TFF1: variants seen among roughly 807,000 people sequenced by gnomAD.
TFF1 encodes trefoil factor 1.
TFF1 carries 8 observed loss-of-function variants against 7.7 expected under a neutral mutation model. The ratio of observed to expected loss-of-function variants is 1.04; its 90% confidence interval spans 0.61 to 1.87. The LOEUF (loss-of-function observed/expected upper bound fraction) is 1.87. Among genes scored for constraint, TFF1 ranks in the 40% most tolerant of loss-of-function variants. The pLI is 0.00. For missense variants in TFF1, 120 were observed against 113.4 expected (o/e 1.06, Z -0.26); for synonymous variants, 47 against 44.8 (o/e 1.05, Z -0.19).
Position 42,362,320 on chromosome 21 carries a change from G to A in TFF1, c.*159C>T. ...CTTTTAATTTTTAGGCCAATTTTGA[G>A]TAGTCAAAGTCAGAGCAGTCAATCT... On this transcript the variant is annotated 3_prime_UTR_variant, in exon 3 of 3. Coordinates refer to ENST00000291527, the MANE Select transcript of TFF1 (RefSeq NM_003225.3). The A allele has an allele frequency of 1.4e-6, 1 of 717,608 alleles. No individual in the cohort carries two copies. Among genetic ancestry groups the A allele is most frequent in the South Asian group, 1.8e-5 (1 of 54,124 alleles). 44.5% of individuals were successfully genotyped at this position (717,608 alleles called of 1,614,324 possible).
At chr21:42,362,672 C>A (rs1201447336) in intron 2 of TFF1, among the ~76,000 whole-genome samples, 177 bp from the exon 3 acceptor site, 2 of 152,202 alleles carry the variant, frequency 1.3e-5, no homozygotes, top group African/African-American at 4.8e-5. Flanking sequence ...CTCTGGGAGG[C>A]TGAGGCGGGC....
Position 42,362,406 on chromosome 21 carries a change from C to T in TFF1, c.*73G>A. 1 of 1,533,810 alleles carries T rather than the reference C, an allele frequency of 6.5e-7. No homozygotes were observed. Among genetic ancestry groups the T allele is most frequent in the Non-Finnish European group, 8.8e-7 (1 of 1,136,310 alleles). On this transcript the variant is annotated 3_prime_UTR_variant, in exon 3 of 3. Coordinates refer to ENST00000291527, the MANE Select transcript of TFF1 (RefSeq NM_003225.3). The stretch of plus-strand genomic sequence containing the variant: ...CTGAGGTGTCCGGTGGAGGTGGCAG[C>T]CGAGCTCTGGGACTAATCACCGTGC...
intron 1 of TFF1, among the ~76,000 whole-genome samples, chr21:42,363,839 C>T (rs1490982638): frequency 6.6e-6 from 1 of 152,176 alleles, no homozygotes; most frequent in Non-Finnish European, 1.5e-5. Context: ...TGGGCCCAGG[C>T]TCATGCCTGT....
At chr21:42,366,370 G>T (rs372267674) in intron 1 of TFF1, 41 bp downstream of exon 1, 4 of 1,509,380 alleles carry the variant, frequency 2.7e-6, no homozygotes, top group African/African-American at 2.8e-5. Context: ...GGCTGCCAGA[G>T]CTGGCTGTGG....
At chr21:42,366,050 C>T (rs2052276787) in intron 1 of TFF1, among the ~76,000 whole-genome samples, 1 of 152,142 alleles carries the variant, frequency 6.6e-6, no homozygotes, top group Non-Finnish European at 1.5e-5. Flanking sequence ...GGAGGGTCTG[C>T]CCCTGGGGGA....
intron 1 of TFF1, 25 bp from the exon 2 acceptor site, chr21:42,363,432 A>T: frequency 6.2e-7 from 1 of 1,605,978 alleles, no homozygotes; most frequent in Non-Finnish European, 8.5e-7. Flanking sequence ...GTAAGAAGCA[A>T]AGTAAGTTGT....
At chr21:42,364,177 G>A (rs2052261083) in intron 1 of TFF1, among the ~76,000 whole-genome samples, 1 of 152,006 alleles carries the variant, frequency 6.6e-6, no homozygotes, top group Non-Finnish European at 1.5e-5. Context: ...GACAACGCAA[G>A]GCCATCGTCC....
At chr21:42,366,263 A>G in intron 1 of TFF1, 148 bp downstream of exon 1, 1 of 562,658 alleles carries the variant, frequency 1.8e-6, no homozygotes, top group South Asian at 3.2e-5. Context: ...GCTTTTGCCG[A>G]TCCTGTAAAT....
At chr21:42,362,917 AAAG>A (rs1165849403) in intron 2 of TFF1, among the ~76,000 whole-genome samples, 5 of 151,968 alleles carry the variant, frequency 3.3e-5, no homozygotes, top group Admixed American at 6.6e-5. Flanking sequence ...AAAAAAAAAA[AAAG>A]AATACATGAA....
In TFF1 at chr21:42,362,375, G is replaced by A. The variant is rs975742015; in HGVS notation, c.*104C>T. 7.6e-7 allele frequency: 1 copy of A among 1,314,286 alleles called. No individual in the cohort carries two copies. Among genetic ancestry groups the A allele is most frequent in the Non-Finnish European group, 1.0e-6 (1 of 953,094 alleles). 81.4% of individuals were successfully genotyped at this position (1,314,286 alleles called of 1,614,324 possible). On this transcript the variant is annotated 3_prime_UTR_variant, in exon 3 of 3. Transcript: ENST00000291527. ...TGTGAGCCGAGGCACAGCTGCAGAA[G>A]CGTGTCTGAGGTGTCCGGTGGAGGT... is the stretch of plus-strand genomic sequence containing the variant.
chr21:42,362,395 G>A lies in TFF1; in HGVS notation c.*84C>T. On this transcript the variant is annotated 3_prime_UTR_variant, in exon 3 of 3. Coordinates refer to ENST00000291527, the MANE Select transcript of TFF1 (RefSeq NM_003225.3). ...CAGAAGCGTGTCTGAGGTGTCCGGT[G>A]GAGGTGGCAGCCGAGCTCTGGGACT... 2 of 1,487,756 alleles carry A rather than the reference G, an allele frequency of 1.3e-6. No homozygotes were observed. The highest frequency in any genetic ancestry group is 2.5e-5 in the East Asian group (1 of 40,520). 92.2% of individuals were successfully genotyped at this position (1,487,756 alleles called of 1,614,324 possible).
Position 42,362,329 on chromosome 21 carries a change from G to T in TFF1, c.*150C>A. 1 of 819,610 alleles carries T rather than the reference G, an allele frequency of 1.2e-6. No homozygotes were observed. 50.8% of individuals were successfully genotyped at this position (819,610 alleles called of 1,614,324 possible). A position where few individuals can be genotyped will look rare whatever the true frequency, so the allele number is the denominator to read the frequency against. On this transcript the variant is annotated 3_prime_UTR_variant, in exon 3 of 3. Transcript: ENST00000291527. Reference sequence around the variant, plus strand: ...TTTAGGCCAATTTTGAGTAGTCAAAGTCAGAGCAGTCAATCTGTGTTGTGA... The same window carrying T: ...TTTAGGCCAATTTTGAGTAGTCAAATTCAGAGCAGTCAATCTGTGTTGTGA...
intron 1 of TFF1, 104 bp downstream of exon 1, chr21:42,366,307 G>T: frequency 1.2e-6 from 1 of 827,414 alleles, no homozygotes; most frequent in Non-Finnish European, 1.9e-6. Context: ...AACAGCACCT[G>T]GCACAAAACA....
intron 1 of TFF1, among the ~76,000 whole-genome samples, chr21:42,364,173 G>A (rs531860905): frequency 5.9e-5 from 9 of 151,928 alleles, no homozygotes; most frequent in South Asian, 2.1e-4. Flanking sequence ...GCGAGACAAC[G>A]CAAGGCCATC....
intron 1 of TFF1, among the ~76,000 whole-genome samples, 166 bp downstream of exon 1, chr21:42,366,245 C>T (rs1026976982): frequency 3.9e-5 from 6 of 152,202 alleles, no homozygotes; most frequent in Non-Finnish European, 8.8e-5. Flanking sequence ...CTGAGTTACT[C>T]TCCACCTGCT....
At chr21:42,363,523 G>T in intron 1 of TFF1, 116 bp from the exon 2 acceptor site, 2 of 1,309,174 alleles carry the variant, frequency 1.5e-6, no homozygotes, top group East Asian at 2.6e-5. Flanking sequence ...CCAGTGAGGC[G>T]GATATAAAAC....
At chr21:42,363,216 T>C (rs367941532) in intron 2 of TFF1, 39 bp downstream of exon 2, 2 of 1,613,450 alleles carry the variant, frequency 1.2e-6, no homozygotes, top group African/African-American at 1.3e-5. Flanking sequence ...TTCTAACTAA[T>C]TCTAAATCTT....
rs761176090 is a variant in TFF1 at position 42,366,525 on chromosome 21, G to A, written c.-30C>T. The stretch of plus-strand genomic sequence containing the variant: ...TCCTCTCTGCTCCAAAGGCGACCCC[G>A]AGTCAGGGATGAGAGGCCGCCCGAG... On this transcript the variant is annotated 5_prime_UTR_variant, in exon 1 of 3. Coordinates refer to ENST00000291527, the MANE Select transcript of TFF1 (RefSeq NM_003225.3). The A allele has an allele frequency of 3.7e-5, 59 of 1,590,202 alleles. No homozygotes were observed. Among genetic ancestry groups the A allele is most frequent in the South Asian group, 3.0e-4 (27 of 89,332 alleles).
intron 1 of TFF1, 33 bp from the exon 2 acceptor site, chr21:42,363,440 T>A: frequency 6.2e-7 from 1 of 1,601,604 alleles, no homozygotes; most frequent in South Asian, 1.1e-5. Context: ...CAAAGTAAGT[T>A]GTGGGCTGAA....
Sources: gnomAD v4.1 joint callset for allele counts (sites outside exome capture counted in the v4.1 genomes callset) on GRCh38, gnomAD v4.1.1 for gene constraint, MANE v1.5 for transcripts, NCBI Gene and HGNC (gene_info 2026-07-23, HGNC 2026-07-21) for gene names.